LPGAT1: variants seen among roughly 807,000 people sequenced by gnomAD.
LPGAT1 encodes the protein lysophosphatidylglycerol acyltransferase 1.
A neutral mutation model predicts 47.5 loss-of-function variants in LPGAT1; 11 were observed. The observed-to-expected ratio is 0.23, with a 90% CI of 0.15 to 0.38. The LOEUF is 0.38. LPGAT1 is among the 10% of genes least tolerant of loss of function. The pLI is 1.00. For missense variants in LPGAT1, 293 were observed against 439.0 expected (o/e 0.67, Z 2.97); for synonymous variants, 138 against 144.2 (o/e 0.96, Z 0.31).
chr1:211,756,260 A>C (rs1382362871), intron 6 of LPGAT1, among the ~76,000 whole-genome samples: 4 of 152,200 alleles, frequency 2.6e-5, no homozygotes, highest in Non-Finnish European at 5.9e-5. Context: ...CAAAACAAAA[A>C]AAATCCCCTA....
At chr1:211,754,876 G>A (rs919265270) in intron 6 of LPGAT1, among the ~76,000 whole-genome samples, 6 of 151,796 alleles carry the variant, frequency 4.0e-5, no homozygotes, top group Admixed American at 6.6e-5. Flanking sequence ...TTAGCCAGGC[G>A]TGGTGGCAGG....
intron 2 of LPGAT1, among the ~76,000 whole-genome samples, chr1:211,804,214 A>AT (rs1279158390): frequency 6.0e-5 from 9 of 151,176 alleles, no homozygotes; most frequent in Non-Finnish European, 1.2e-4. Flanking sequence ...TGCCCTACTA[A>AT]TTTTTTTTTA....
chr1:211,795,527 C>T (rs1659317089), intron 2 of LPGAT1, among the ~76,000 whole-genome samples: 1 of 152,130 alleles, frequency 6.6e-6, no homozygotes. Context: ...GCCACCACGC[C>T]CGGCTAATCT....
In LPGAT1 at chr1:211,746,574, C is replaced by A. The variant is rs925743752; in HGVS notation, c.*3325G>T. On this transcript the variant is annotated 3_prime_UTR_variant, in exon 8 of 8. Coordinates refer to ENST00000366997, the MANE Select transcript of LPGAT1 (RefSeq NM_014873.3). The stretch of plus-strand genomic sequence containing the variant: ...TAAAAGTAATTTTTGATTTACCTAT[C>A]ATTTATTACCAGATTATCTATCCAG... 1.3e-5 allele frequency: 2 copies of A among 152,150 alleles called. No individual in the cohort carries two copies. The highest frequency in any genetic ancestry group is 2.4e-5 in the African/African-American group (1 of 41,424). The allele number at this position is 152,150 out of a possible 1,614,324, so 9.4% of individuals were successfully genotyped here. A position where few individuals can be genotyped will look rare whatever the true frequency, so the allele number is the denominator to read the frequency against.
chr1:211,774,868 G>A lies in LPGAT1; in HGVS notation c.854+4050C>T, dbSNP rs368723926. The stretch of plus-strand genomic sequence containing the variant: ...TTAAAATAAGTTATTACATTCTTTT[G>A]CTTTTTCCTAAGTGTCAGTACAGAA... On this transcript the variant is annotated intron_variant, in intron 6 of 7. Transcript: ENST00000366997. Among the ~76,000 whole-genome samples the A allele has an allele frequency of 3.7e-4, 56 of 152,154 alleles. 1 individual carries two copies. In the South Asian group the frequency reaches 0.011, roughly 30 times the overall value.
chr1:211,753,560 T>C (rs1657301393), intron 6 of LPGAT1, among the ~76,000 whole-genome samples: 1 of 152,186 alleles, frequency 6.6e-6, no homozygotes, highest in Non-Finnish European at 1.5e-5. Flanking sequence ...TTTTATAGTA[T>C]GCTATTATTG....
rs556789306 is a variant in LPGAT1, at chr1:211,824,573, CCA to C, written c.238+4484_238+4485del. On this transcript the variant is annotated intron_variant, in intron 2 of 7. Coordinates refer to ENST00000366997, the MANE Select transcript of LPGAT1 (RefSeq NM_014873.3). ...AAAGTTAAAGCTAGACCACTGACTC[CCA>C]GAGTTTTCCAAAATCCCAGTGCTCT... is the stretch of plus-strand genomic sequence containing the variant. Among the ~76,000 whole-genome samples the C allele has an allele frequency of 2.1e-3, 320 of 152,272 alleles. 1 individual carries two copies. In the South Asian group the frequency reaches 0.023, roughly 11 times the overall value.
intron 2 of LPGAT1, among the ~76,000 whole-genome samples, chr1:211,793,951 C>T (rs1341459158): frequency 6.6e-6 from 1 of 152,140 alleles, no homozygotes; most frequent in Non-Finnish European, 1.5e-5. Context: ...GATGTATTAT[C>T]AACTAACAAA....
chr1:211,777,706 T>C (rs533691732), intron 6 of LPGAT1, among the ~76,000 whole-genome samples: 4 of 152,360 alleles, frequency 2.6e-5, no homozygotes, highest in Admixed American at 1.3e-4. Context: ...TGTGGATTAA[T>C]GATTTAAAAA....
chr1:211,770,951 C>G (rs1658141182), intron 6 of LPGAT1, among the ~76,000 whole-genome samples: 1 of 151,912 alleles, frequency 6.6e-6, no homozygotes, highest in South Asian at 2.1e-4. Flanking sequence ...ACAAAAATTA[C>G]CTGAGCATGG....
intron 2 of LPGAT1, among the ~76,000 whole-genome samples, chr1:211,800,591 A>C (rs1175027567): frequency 1.3e-5 from 2 of 152,156 alleles, no homozygotes; most frequent in African/African-American, 4.8e-5. Flanking sequence ...TCAAAAGGGG[A>C]GCTAGTGGCA....
At chr1:211,823,957 A>G (rs1267520080) in intron 2 of LPGAT1, among the ~76,000 whole-genome samples, 1 of 151,782 alleles carries the variant, frequency 6.6e-6, no homozygotes, top group Non-Finnish European at 1.5e-5. Context: ...AAAAAAAAAA[A>G]TTAACAAATG....
intron 6 of LPGAT1, among the ~76,000 whole-genome samples, chr1:211,761,328 T>C (rs1657689589): frequency 6.6e-6 from 1 of 152,236 alleles, no homozygotes; most frequent in East Asian, 1.9e-4. Flanking sequence ...CCTGTCATCA[T>C]ATATCATTCT....
chr1:211,815,205 G>A (rs959576305), intron 2 of LPGAT1, among the ~76,000 whole-genome samples: 1 of 152,132 alleles, frequency 6.6e-6, no homozygotes, highest in Non-Finnish European at 1.5e-5. Flanking sequence ...CAATTTCACA[G>A]CTCCACTTGG....
At chr1:211,807,327 G>A (rs1659796669) in intron 2 of LPGAT1, among the ~76,000 whole-genome samples, 1 of 151,606 alleles carries the variant, frequency 6.6e-6, no homozygotes. Flanking sequence ...TAGCAAAAAT[G>A]TCTATTCACC....
At chr1:211,791,163 A>G (rs1659096959) in intron 3 of LPGAT1, among the ~76,000 whole-genome samples, 1 of 152,218 alleles carries the variant, frequency 6.6e-6, no homozygotes, top group Non-Finnish European at 1.5e-5. Context: ...CAGATAGACA[A>G]GAAAAACAGA....
At chr1:211,783,579 G>C (rs1658727944) in intron 4 of LPGAT1, 77 bp from the exon 5 acceptor site, 1 of 1,336,856 alleles carries the variant, frequency 7.5e-7, no homozygotes, top group Non-Finnish European at 1.0e-6. Flanking sequence ...AGAAATTACA[G>C]CTTCTAAATT....
chr1:211,827,673 T>A (rs2102613952), intron 2 of LPGAT1, among the ~76,000 whole-genome samples: 1 of 152,312 alleles, frequency 6.6e-6, no homozygotes, highest in East Asian at 1.9e-4. Flanking sequence ...AAGACAGCAG[T>A]GCAATTCAGG....
chr1:211,768,873 A>C (rs2102514413), intron 6 of LPGAT1, among the ~76,000 whole-genome samples: 1 of 152,196 alleles, frequency 6.6e-6, no homozygotes, highest in East Asian at 1.9e-4. Context: ...ACAGATTTCC[A>C]AGGGAAGACT....
Sources: allele counts gnomAD v4.1 joint callset (sites outside exome capture counted in the v4.1 genomes callset), GRCh38; gene constraint gnomAD v4.1.1; transcripts MANE v1.5; gene names NCBI Gene and HGNC (gene_info 2026-07-23, HGNC 2026-07-21).